Variants in FTO observed in about 807,000 individuals in gnomAD.
FTO encodes alpha-ketoglutarate-dependent dioxygenase FTO.
In FTO, 47 loss-of-function variants were observed where a neutral mutation model predicts 63.9. The observed-to-expected ratio is 0.74, with a 90% confidence interval of 0.58 to 0.94. The LOEUF (loss-of-function observed/expected upper bound fraction) is 0.94, where lower values mean the gene tolerates loss of function less well. Ranked by LOEUF, FTO falls within the 40% of genes least tolerant of loss-of-function variation. FTO has a pLI of 0.00. For missense variants in FTO, 562 were observed against 618.1 expected, an observed-to-expected ratio of 0.91 and a Z score of 0.96; for synonymous variants, 207 against 224.4, an observed-to-expected ratio of 0.92 and a Z score of 0.69.
At chr16:54,031,070 G>A (rs76699730) in intron 8 of FTO, among the ~76,000 whole-genome samples, 1 of 152,294 alleles carries the variant, frequency 6.6e-6, no homozygotes, top group Non-Finnish European at 1.5e-5. Flanking sequence ...AGTGTAAAAT[G>A]TGAAAATTCT....
chr16:53,957,614 A>C (rs2082960521), intron 8 of FTO, among the ~76,000 whole-genome samples: 2 of 152,200 alleles, frequency 1.3e-5, no homozygotes, highest in South Asian at 4.1e-4. Flanking sequence ...TACCACTCTA[A>C]TTTCAGTTTC....
intron 1 of FTO, among the ~76,000 whole-genome samples, chr16:53,746,405 T>C (rs2076652888): frequency 6.6e-6 from 1 of 152,162 alleles, no homozygotes; most frequent in African/African-American, 2.4e-5. Context: ...ACAAAGACCT[T>C]TGTTGCATTA....
At chr16:53,895,188 A>G (rs1335709845) in intron 7 of FTO, among the ~76,000 whole-genome samples, 1 of 150,640 alleles carries the variant, frequency 6.6e-6, no homozygotes, top group Non-Finnish European at 1.5e-5. Flanking sequence ...GTAATTTAGC[A>G]GTGAATTTCT....
intron 8 of FTO, among the ~76,000 whole-genome samples, chr16:53,963,495 T>C (rs1254844249): frequency 6.6e-6 from 1 of 152,218 alleles, no homozygotes; most frequent in Non-Finnish European, 1.5e-5. Flanking sequence ...GGGAGGTGTT[T>C]GGATCGTGGG....
chr16:53,741,027 G>A (rs2076517149), intron 1 of FTO, among the ~76,000 whole-genome samples: 2 of 152,202 alleles, frequency 1.3e-5, no homozygotes, highest in South Asian at 4.2e-4. Flanking sequence ...TTACATTTTT[G>A]AATAGTTGAA....
At chr16:53,767,221 G>A (rs1183269141) in intron 1 of FTO, among the ~76,000 whole-genome samples, 1 of 152,116 alleles carries the variant, frequency 6.6e-6, no homozygotes, top group East Asian at 1.9e-4. Context: ...TTAACCTGAT[G>A]GATGGCTCAA....
chr16:53,900,095 C>T (rs1259767074), intron 7 of FTO, among the ~76,000 whole-genome samples: 1 of 152,128 alleles, frequency 6.6e-6, no homozygotes, highest in Non-Finnish European at 1.5e-5. Flanking sequence ...CTAGAGTGCC[C>T]CATCTCCCTT....
At chr16:54,030,665 C>T (rs12445999) in intron 8 of FTO, among the ~76,000 whole-genome samples, 20,343 of 152,062 alleles carry the variant, frequency 0.13, 2,876 homozygotes, top group African/African-American at 0.35. Context: ...CTCTTCAAGG[C>T]TATGTTTAGT....
rs547286375 is a variant in FTO, at chr16:54,063,987, TC to T, written c.1365-47774del. The T allele has an allele frequency of 2.0e-5, 3 of 150,630 alleles. No homozygotes were observed. In the East Asian group the frequency reaches 5.8e-4, roughly 29 times the overall value. 9.3% of individuals were successfully genotyped at this position (150,630 alleles called of 1,614,324 possible). On this transcript the variant is annotated intron_variant, in intron 8 of 8. Transcript: ENST00000471389. Reference sequence around the variant, plus strand: ...AGAAATTACAATAAGCTTTTTTTTTTCAAATGAGTCTTCTTGTCCTATTCCT... The same window carrying T: ...AGAAATTACAATAAGCTTTTTTTTTTAAATGAGTCTTCTTGTCCTATTCCT...
intron 8 of FTO, among the ~76,000 whole-genome samples, chr16:54,063,189 C>A (rs1478210830): frequency 6.6e-6 from 1 of 152,166 alleles, no homozygotes; most frequent in African/African-American, 2.4e-5. Context: ...TTTTCTGATA[C>A]CAATAGGGGT....
chr16:53,771,704 GA>G, intron 1 of FTO, among the ~76,000 whole-genome samples: 1 of 152,078 alleles, frequency 6.6e-6, no homozygotes, highest in East Asian at 1.9e-4. Context: ...GCCAAAAGTG[GA>G]AAAAACCCAA....
At chr16:54,018,775 T>C (rs554928307) in intron 8 of FTO, among the ~76,000 whole-genome samples, 4 of 152,288 alleles carry the variant, frequency 2.6e-5, no homozygotes, top group African/African-American at 7.2e-5. Context: ...GATTGTAAGT[T>C]TCCTGAGGCC....
At chr16:53,854,490 T>G (rs2079916523) in intron 4 of FTO, among the ~76,000 whole-genome samples, 1 of 152,200 alleles carries the variant, frequency 6.6e-6, no homozygotes, top group South Asian at 2.1e-4. Flanking sequence ...GACACAGGGA[T>G]CCAGTTTCAT....
chr16:54,094,723 A>T (rs2036738589), intron 8 of FTO, among the ~76,000 whole-genome samples: 1 of 152,114 alleles, frequency 6.6e-6, no homozygotes, highest in African/African-American at 2.4e-5. Flanking sequence ...CCTCCCTCCC[A>T]GCCCCAGAGC....
intron 1 of FTO, among the ~76,000 whole-genome samples, chr16:53,723,673 A>C (rs2076089354): frequency 1.3e-5 from 2 of 152,340 alleles, no homozygotes; most frequent in Non-Finnish European, 2.9e-5. Flanking sequence ...TTTTGCCTTC[A>C]TTTATAAAAG....
chr16:54,093,020 A>C (rs1183922019), intron 8 of FTO, among the ~76,000 whole-genome samples: 1 of 152,182 alleles, frequency 6.6e-6, no homozygotes, highest in Non-Finnish European at 1.5e-5. Flanking sequence ...CTTTCCCCAT[A>C]CATTTGAACA....
intron 4 of FTO, among the ~76,000 whole-genome samples, chr16:53,853,232 T>C (rs13334039): frequency 0.34 from 51,321 of 151,990 alleles, 9,966 homozygotes; most frequent in East Asian, 0.71. Flanking sequence ...TTGAACCTGT[T>C]AGGCGGTGGT....
chr16:53,832,362 A>G (rs2079166139), intron 3 of FTO, among the ~76,000 whole-genome samples: 1 of 152,212 alleles, frequency 6.6e-6, no homozygotes, highest in Admixed American at 6.5e-5. Flanking sequence ...CCATTATTCC[A>G]GAAGTTTCCT....
intron 4 of FTO, among the ~76,000 whole-genome samples, chr16:53,857,470 C>CTATA (rs539268198): frequency 6.7e-6 from 1 of 148,992 alleles, no homozygotes; most frequent in East Asian, 2.1e-4. Flanking sequence ...CTCTCTCTTT[C>CTATA]TATATATATA....
Sources: gnomAD v4.1 joint callset for allele counts (sites outside exome capture counted in the v4.1 genomes callset) on GRCh38, gnomAD v4.1.1 for gene constraint, MANE v1.5 for transcripts, NCBI Gene and HGNC (gene_info 2026-07-23, HGNC 2026-07-21) for gene names.